The following TSHZ3 variants were observed in gnomAD, a reference collection of about 807,000 sequenced individuals.
TSHZ3 encodes the protein teashirt zinc finger homeobox 3.
A neutral mutation model predicts 64.5 loss-of-function variants in TSHZ3; 10 were observed. The ratio of observed to expected loss-of-function variants is 0.16; its 90% CI spans 0.10 to 0.26. The LOEUF is 0.26. Ranked by LOEUF, TSHZ3 falls within the 10% of genes least tolerant of loss-of-function variation. The pLI, the probability that TSHZ3 is intolerant of heterozygous loss-of-function variation, is 1.00. For missense variants in TSHZ3, 1,242 were observed against 1,421.7 expected (o/e 0.87, Z 2.03); for synonymous variants, 608 against 593.1 (o/e 1.03, Z -0.36).
At chr19:31,198,603 A>C (rs1975027435) in intron 5 of TSHZ3, among the ~76,000 whole-genome samples, 1 of 152,172 alleles carries the variant, frequency 6.6e-6, no homozygotes, top group Non-Finnish European at 1.5e-5. Flanking sequence ...AGGTTAATAC[A>C]CAAAAGTCTA....
chr19:31,232,863 C>A (rs534889825), intron 3 of TSHZ3, among the ~76,000 whole-genome samples: 1 of 152,320 alleles, frequency 6.6e-6, no homozygotes, highest in Admixed American at 6.5e-5. Context: ...CTTAGCACGC[C>A]TGTGAGTGAG....
At chr19:31,236,873 G>A (rs1266385651) in intron 3 of TSHZ3, among the ~76,000 whole-genome samples, 2 of 152,216 alleles carry the variant, frequency 1.3e-5, no homozygotes, top group African/African-American at 4.8e-5. Flanking sequence ...AACAGGCTGG[G>A]CGTGGTGGCT....
chr19:31,262,592 C>T (rs74360592), intron 1 of TSHZ3, among the ~76,000 whole-genome samples: 5 of 151,964 alleles, frequency 3.3e-5, no homozygotes, highest in Admixed American at 6.6e-5. Context: ...AAATATATAC[C>T]GTGGAGAAAT....
rs151144910 is a variant in TSHZ3 at position 31,260,424 on chromosome 19, T to A, written n.64-17549A>T. 4.8e-3 allele frequency among the ~76,000 whole-genome samples: 737 copies of A among 152,318 alleles called. 2 individuals are homozygous for A. The highest frequency in any genetic ancestry group is 0.01 in the Middle Eastern group (3 of 294). On this transcript the variant is annotated intron_variant and non_coding_transcript_variant, in intron 1 of 6. Coordinates refer to the TSHZ3 transcript ENST00000651361. ...AGTGGTCAGGTCTGGGTTCAGAATCTGAGACCTGGGGCTGTGCAGAAGCTG... is the reference window on the plus strand; with the variant it reads ...AGTGGTCAGGTCTGGGTTCAGAATCAGAGACCTGGGGCTGTGCAGAAGCTG...
chr19:31,272,670 G>A (rs1228965472), downstream of TSHZ3, among the ~76,000 whole-genome samples: 4 of 152,208 alleles, frequency 2.6e-5, no homozygotes, highest in Admixed American at 6.5e-5. Flanking sequence ...TGTGAAGTGA[G>A]CTGTTCAAGC....
intron 5 of TSHZ3, among the ~76,000 whole-genome samples, chr19:31,161,308 T>C (rs1974371569): frequency 6.6e-6 from 1 of 152,152 alleles, no homozygotes; most frequent in African/African-American, 2.4e-5. Context: ...CACACACAAC[T>C]AGAATTATAT....
downstream of TSHZ3, among the ~76,000 whole-genome samples, chr19:31,271,602 T>A (rs1340283665): frequency 6.6e-6 from 1 of 152,198 alleles, no homozygotes; most frequent in Non-Finnish European, 1.5e-5. Context: ...TATAGTGTAT[T>A]TTGCAGAGGC....
intron 4 of TSHZ3, among the ~76,000 whole-genome samples, chr19:31,212,578 G>A (rs1173686270): frequency 1.3e-5 from 2 of 152,078 alleles, no homozygotes; most frequent in African/African-American, 2.4e-5. Context: ...AGACAAAATC[G>A]AGAACACTGA....
At chr19:31,272,745 T>C (rs952106142), downstream of TSHZ3, among the ~76,000 whole-genome samples, 3 of 152,210 alleles carry the variant, frequency 2.0e-5, no homozygotes, top group East Asian at 3.9e-4. Flanking sequence ...ATTAGTTAAA[T>C]TGCACATTTA....
chr19:31,196,884 T>C (rs1224160875), intron 5 of TSHZ3, among the ~76,000 whole-genome samples: 2 of 151,978 alleles, frequency 1.3e-5, no homozygotes, highest in Non-Finnish European at 2.9e-5. Flanking sequence ...CACTCTTCTA[T>C]CATGAACGAA....
chr19:31,305,908 TA>T (rs1003527118), intron 1 of TSHZ3: 1 of 152,094 alleles, frequency 6.6e-6, no homozygotes, highest in East Asian at 1.9e-4. Context: ...TATCTGTTTT[TA>T]AAAAAAATCG....
chr19:31,273,704 G>A (rs145998110), downstream of TSHZ3, among the ~76,000 whole-genome samples: 34 of 152,352 alleles, frequency 2.2e-4, no homozygotes, highest in East Asian at 5.4e-3. Flanking sequence ...CCCCTGAGAC[G>A]CATTCTGTGG....
At chr19:31,169,263 C>T (rs896741351) in intron 5 of TSHZ3, among the ~76,000 whole-genome samples, 85 of 152,176 alleles carry the variant, frequency 5.6e-4, no homozygotes, top group African/African-American at 2.0e-3. Context: ...AACCATATGA[C>T]CCAGCAACTC....
intron 1 of TSHZ3, among the ~76,000 whole-genome samples, chr19:31,322,075 G>A (rs897391391): frequency 9.2e-5 from 14 of 152,012 alleles, no homozygotes; most frequent in Non-Finnish European, 1.9e-4. Flanking sequence ...GTGAGAACAC[G>A]CAGTGTTTGG....
At chr19:31,223,456 C>T (rs1214295375) in intron 4 of TSHZ3, among the ~76,000 whole-genome samples, 1 of 148,190 alleles carries the variant, frequency 6.7e-6, no homozygotes, top group Non-Finnish European at 1.5e-5. Flanking sequence ...TCACCAAAGA[C>T]AAGAAAAAAA....
At position 31,278,573 on chromosome 19, in the gene TSHZ3, A is replaced by G. The variant is rs372389890; in HGVS notation, c.1220T>C (p.Val407Ala). 6.8e-6 allele frequency: 11 copies of G among 1,614,044 alleles called. No individual in the cohort carries two copies. The highest frequency in any genetic ancestry group is 1.6e-4 in the Middle Eastern group (1 of 6,062). ...TLQELTAHMM[V>A]TGHFIKVTNS... ...GGTGACCTTGATGAAGTGGCCAGTG[A>G]CCATCATGTGGGCAGTGAGCTCCTG... The change falls in exon 2 of 2, where the codon GTC becomes GCC. Residue 407 changes from valine (V) to alanine (A), a missense_variant. Coordinates refer to ENST00000240587, the MANE Select transcript of TSHZ3 (RefSeq NM_020856.4). This position sits in a 1 kb window ranked among gnomAD's most constrained non-coding sequence, Gnocchi z 4.7.
intron 5 of TSHZ3, among the ~76,000 whole-genome samples, chr19:31,180,718 A>G (rs1304402007): frequency 1.3e-5 from 2 of 152,202 alleles, no homozygotes; most frequent in East Asian, 1.9e-4. Flanking sequence ...TCTTTCATAC[A>G]TGCGAGATGC....
intron 4 of TSHZ3, among the ~76,000 whole-genome samples, chr19:31,215,090 G>A (rs1975309111): frequency 1.3e-5 from 2 of 152,078 alleles, no homozygotes; most frequent in Non-Finnish European, 2.9e-5. Context: ...CATCTCCAGT[G>A]TAGGTGTTTC....
chr19:31,179,537 A>C (rs1974666971), intron 5 of TSHZ3, among the ~76,000 whole-genome samples: 1 of 152,198 alleles, frequency 6.6e-6, no homozygotes, highest in African/African-American at 2.4e-5. Flanking sequence ...CAAACAGAGA[A>C]TCTATCCCCG....
Sources: gnomAD v4.1 joint callset for allele counts (sites outside exome capture counted in the v4.1 genomes callset) on GRCh38, gnomAD v4.1.1 for gene constraint, Gnocchi (gnomAD v3.1) non-coding constraint, MANE v1.5 for transcripts, NCBI Gene and HGNC (gene_info 2026-07-23, HGNC 2026-07-21) for gene names.